RBFOX1: variants seen among roughly 807,000 people sequenced by gnomAD.
The protein encoded by RBFOX1 is RNA binding fox-1 homolog 1.
In RBFOX1, 8 loss-of-function variants were observed where a neutral mutation model predicts 57.7. The observed-to-expected ratio is 0.14, with a 90% CI of 0.08 to 0.25. RBFOX1 has a LOEUF of 0.25. Ranked by LOEUF, RBFOX1 falls within the 10% of genes least tolerant of loss-of-function variation. The probability of loss-of-function intolerance (pLI) is 1.00; values close to 1 mark genes in which losing one functional copy is unlikely to be tolerated. For synonymous variants in RBFOX1, 326 were observed against 222.4 expected (o/e 1.47, Z -4.15); for missense variants, 611 against 548.5 (o/e 1.11, Z -1.14).
intron 4 of RBFOX1, among the ~76,000 whole-genome samples, chr16:7,396,987 A>G (rs956309233): frequency 2.0e-5 from 3 of 152,186 alleles, no homozygotes; most frequent in Non-Finnish European, 2.9e-5. Flanking sequence ...GTAGCAGTGG[A>G]CAAATGAAGT....
At chr16:5,976,840 G>A (rs1241986831) in intron 4 of RBFOX1, among the ~76,000 whole-genome samples, 1 of 152,210 alleles carries the variant, frequency 6.6e-6, no homozygotes, top group Non-Finnish European at 1.5e-5. Flanking sequence ...CTGCACTTCA[G>A]CCTGGGCAGC....
intron 4 of RBFOX1, among the ~76,000 whole-genome samples, chr16:5,892,397 C>A (rs1176624682): frequency 6.6e-6 from 1 of 152,150 alleles, no homozygotes; most frequent in Non-Finnish European, 1.5e-5. Context: ...CTGTCCATGA[C>A]TGTATCTCTT....
chr16:7,411,987 A>G (rs1398452324), intron 4 of RBFOX1, among the ~76,000 whole-genome samples: 4 of 151,892 alleles, frequency 2.6e-5, no homozygotes, highest in African/African-American at 9.7e-5. Flanking sequence ...GGCCGCCCAG[A>G]TGCCATGTGG....
chr16:6,008,913 C>T (rs940907863), intron 4 of RBFOX1, among the ~76,000 whole-genome samples: 1 of 152,132 alleles, frequency 6.6e-6, no homozygotes, highest in African/African-American at 2.4e-5. Context: ...CGAATCAAAG[C>T]AGGAAGAGGT....
At chr16:7,602,290 C>T (rs1014668536) in intron 9 of RBFOX1, among the ~76,000 whole-genome samples, 18 of 152,114 alleles carry the variant, frequency 1.2e-4, no homozygotes, top group African/African-American at 4.1e-4. Flanking sequence ...CCCTTGAGTC[C>T]TGGCCACGGA....
chr16:7,623,699 A>G (rs1198455738), intron 10 of RBFOX1, among the ~76,000 whole-genome samples: 1 of 152,120 alleles, frequency 6.6e-6, no homozygotes, highest in East Asian at 1.9e-4. Flanking sequence ...CCTGGCTTAA[A>G]CAACAGAAAT....
rs1466472864 is a variant in RBFOX1 at position 6,323,079 on chromosome 16, A to G, written c.-64+6022A>G. 2.6e-5 allele frequency among the ~76,000 whole-genome samples: 4 copies of G among 152,068 alleles called. No homozygotes were observed. In the East Asian group the frequency reaches 7.7e-4, roughly 29 times the overall value. On this transcript the variant is annotated intron_variant, in intron 2 of 15. Coordinates refer to ENST00000550418, the MANE Select transcript of RBFOX1 (RefSeq NM_018723.4). The stretch of plus-strand genomic sequence containing the variant: ...GCAGGAACTCTGCAGACCTTTTTCG[A>G]TCGAATGAGTACATGAGCATGGGAG...
intron 1 of RBFOX1, among the ~76,000 whole-genome samples, chr16:6,198,537 C>T (rs1404490244): frequency 6.6e-6 from 1 of 152,142 alleles, no homozygotes; most frequent in East Asian, 1.9e-4. Context: ...TTGAGCATGT[C>T]AGTAACCTCT....
chr16:6,993,348 G>A (rs76674699), intron 3 of RBFOX1, among the ~76,000 whole-genome samples: 3,167 of 152,238 alleles, frequency 0.021, 103 homozygotes, highest in African/African-American at 0.07. Context: ...AAAAACTAAC[G>A]AATAGGGCAA....
At chr16:7,468,038 C>T (rs958265354) in intron 4 of RBFOX1, among the ~76,000 whole-genome samples, 1 of 152,220 alleles carries the variant, frequency 6.6e-6, no homozygotes. Flanking sequence ...GACTTGTTAG[C>T]CGCTGAACTT....
chr16:6,732,448 T>C (rs925623134), intron 3 of RBFOX1, among the ~76,000 whole-genome samples: 3 of 152,200 alleles, frequency 2.0e-5, no homozygotes, highest in African/African-American at 7.2e-5. Flanking sequence ...GGGGAGTTTA[T>C]TGAGGATGGT....
intron 4 of RBFOX1, among the ~76,000 whole-genome samples, chr16:7,492,475 C>A (rs1045040191): frequency 6.6e-6 from 1 of 152,052 alleles, no homozygotes; most frequent in African/African-American, 2.4e-5. Context: ...CTGTCACCTA[C>A]CCTAGAACTG....
At chr16:6,480,172 T>C (rs2095350772) in intron 2 of RBFOX1, among the ~76,000 whole-genome samples, 1 of 152,222 alleles carries the variant, frequency 6.6e-6, no homozygotes, top group South Asian at 2.1e-4. Flanking sequence ...CTTTTGTTCT[T>C]TTAAGAGAAC....
intron 3 of RBFOX1, among the ~76,000 whole-genome samples, chr16:5,661,410 G>T (rs564541906): frequency 1.3e-5 from 2 of 152,164 alleles, no homozygotes; most frequent in Non-Finnish European, 2.9e-5. Context: ...TGTATCCACT[G>T]TAGAAACCTT....
chr16:6,992,757 A>T (rs1312201557), intron 3 of RBFOX1, among the ~76,000 whole-genome samples: 1 of 150,194 alleles, frequency 6.7e-6, no homozygotes, highest in Non-Finnish European at 1.5e-5. Context: ...GATCTACCCA[A>T]GGTCACTTGT....
chr16:6,745,331 A>C (rs998708125), intron 3 of RBFOX1, among the ~76,000 whole-genome samples: 14 of 152,062 alleles, frequency 9.2e-5, no homozygotes, highest in African/African-American at 2.2e-4. Context: ...CAAAACCAGG[A>C]AAAAATTCAC....
At chr16:7,003,740 G>C (rs2093045141) in intron 3 of RBFOX1, among the ~76,000 whole-genome samples, 3 of 152,000 alleles carry the variant, frequency 2.0e-5, no homozygotes, top group Admixed American at 1.3e-4. Context: ...GTATGTATTA[G>C]AAAAAAACAT....
At chr16:5,482,878 C>G (rs2342435) in intron 2 of RBFOX1, among the ~76,000 whole-genome samples, 54,678 of 151,976 alleles carry the variant, frequency 0.36, 10,974 homozygotes, top group East Asian at 0.59. Flanking sequence ...GGGATATTTT[C>G]AAGATCCTTA....
intron 4 of RBFOX1, among the ~76,000 whole-genome samples, chr16:5,909,528 G>A (rs897181662): frequency 3.9e-5 from 6 of 152,230 alleles, no homozygotes; most frequent in African/African-American, 1.4e-4. Flanking sequence ...AACTTTGACA[G>A]GTGCAGGAGG....
Sources: gnomAD v4.1 joint callset for allele counts (sites outside exome capture counted in the v4.1 genomes callset) on GRCh38, gnomAD v4.1.1 for gene constraint, MANE v1.5 for transcripts, NCBI Gene and HGNC (gene_info 2026-07-23, HGNC 2026-07-21) for gene names.